Variants in FBN1 observed in about 807,000 individuals in gnomAD.
The protein encoded by FBN1 is fibrillin-1.
FBN1 carries 29 observed loss-of-function variants against 365.1 expected under a neutral mutation model. That is an observed-to-expected ratio of 0.08 (90% CI 0.06 to 0.11). The LOEUF is 0.11. FBN1 is among the 10% of genes least tolerant of loss of function. FBN1 has a pLI of 1.00. For synonymous variants in FBN1, 1,210 were observed against 1,270.5 expected (o/e 0.95, Z 1.01); for missense variants, 2,476 against 3,703.2 (o/e 0.67, Z 8.60).
intron 42 of FBN1, among the ~76,000 whole-genome samples, chr15:48,461,852 A>G (rs1329775679): frequency 6.6e-6 from 1 of 152,220 alleles, no homozygotes; most frequent in East Asian, 1.9e-4. Context: ...TCTGAAGTTC[A>G]TGTAACTTTC....
At chr15:48,476,394 A>G (rs1438011000) in intron 32 of FBN1, among the ~76,000 whole-genome samples, 1 of 152,178 alleles carries the variant, frequency 6.6e-6, no homozygotes, top group Non-Finnish European at 1.5e-5. Context: ...CAAAGCCTCC[A>G]GATGTTATAG....
chr15:48,597,233 C>A lies in FBN1; in HGVS notation c.443-855G>T, dbSNP rs575005850. On this transcript the variant is annotated intron_variant, in intron 5 of 65. Coordinates refer to ENST00000316623, the MANE Select transcript of FBN1 (RefSeq NM_000138.5). ...ACCCTATAGCAGCCATGAAGTTGAG[C>A]CACTCATACTTTCCCTCAAGAGAAT... is the stretch of plus-strand genomic sequence containing the variant. Among the ~76,000 whole-genome samples the A allele has an allele frequency of 3.3e-5, 5 of 152,274 alleles. No homozygotes were observed. The East Asian group carries it at 9.7e-4, about 29-fold the overall frequency.
chr15:48,587,317 A>T (rs962564893), intron 6 of FBN1, among the ~76,000 whole-genome samples: 1 of 152,226 alleles, frequency 6.6e-6, no homozygotes, highest in African/African-American at 2.4e-5. Flanking sequence ...AAGTGAAAAC[A>T]GTTTCAGAAA....
intron 6 of FBN1, among the ~76,000 whole-genome samples, chr15:48,592,167 G>A (rs1195144035): frequency 6.6e-6 from 1 of 152,018 alleles, no homozygotes; most frequent in Admixed American, 6.6e-5. Context: ...GTTATTTCTT[G>A]AACTCCTTTT....
intron 2 of FBN1, among the ~76,000 whole-genome samples, chr15:48,635,807 C>A (rs1373005086): frequency 6.6e-6 from 1 of 152,170 alleles, no homozygotes; most frequent in Non-Finnish European, 1.5e-5. Flanking sequence ...GTTGTGAGTT[C>A]TTTAAATGCA....
At chr15:48,573,092 C>T (rs1218607489) in intron 6 of FBN1, among the ~76,000 whole-genome samples, 1 of 151,994 alleles carries the variant, frequency 6.6e-6, no homozygotes, top group Non-Finnish European at 1.5e-5. Context: ...TTTGTCTGGT[C>T]CACTAAGGAG....
At chr15:48,617,796 G>C (rs1475330713) in intron 2 of FBN1, among the ~76,000 whole-genome samples, 1 of 152,164 alleles carries the variant, frequency 6.6e-6, no homozygotes, top group Non-Finnish European at 1.5e-5. Context: ...GCAAGACTTG[G>C]CCTCTGTGCA....
intron 4 of FBN1, among the ~76,000 whole-genome samples, chr15:48,603,158 A>T (rs1020239523): frequency 6.6e-6 from 1 of 152,208 alleles, no homozygotes; most frequent in South Asian, 2.1e-4. Context: ...AATCTCCCTG[A>T]TATATATTTT....
chr15:48,509,273 T>A (rs1012397825), intron 14 of FBN1, among the ~76,000 whole-genome samples: 3 of 151,888 alleles, frequency 2.0e-5, no homozygotes, highest in Non-Finnish European at 2.9e-5. Flanking sequence ...ACCTTTAAGA[T>A]CCCTTAAACA....
At position 48,644,938 on chromosome 15, in the gene FBN1, C is replaced by A. The variant is rs969552161; in HGVS notation, c.-169G>T. The A allele has an allele frequency of 2.1e-5, 11 of 519,908 alleles. No individual in the cohort carries two copies. The Middle Eastern group carries it at 2.3e-3, about 107-fold the overall frequency. 32.2% of individuals were successfully genotyped at this position (519,908 alleles called of 1,614,324 possible). A position where few individuals can be genotyped will look rare whatever the true frequency, so the allele number is the denominator to read the frequency against. ...CTCCAGGCGCTGCTCCCACTTCAGG[C>A]GGCCCCTGCCAGCTGCAACACAGAG... is the stretch of plus-strand genomic sequence containing the variant. On this transcript the variant is annotated 5_prime_UTR_variant, in exon 2 of 66. Coordinates refer to ENST00000316623, the MANE Select transcript of FBN1 (RefSeq NM_000138.5).
chr15:48,534,096 C>T lies in FBN1; in HGVS notation c.846G>A (p.Val282=), dbSNP rs2043994063. The part of the protein sequence containing the change: ...KCPAGHKLNE[V]SQKCEDIDEC... Reference sequence around the variant, plus strand: ...ATTTCTTACCTTCACATTTTTGTGACACTTCATTAAGTTTGTGTCCAGCAG... The same window carrying T: ...ATTTCTTACCTTCACATTTTTGTGATACTTCATTAAGTTTGTGTCCAGCAG... Residue 282 remains valine (V), a synonymous_variant, in exon 8 of 66, where the codon GTG becomes GTA. Transcript: ENST00000316623. The T allele has an allele frequency of 1.9e-6, 3 of 1,613,332 alleles. No individual in the cohort carries two copies. Among genetic ancestry groups the T allele is most frequent in the Non-Finnish European group, 2.5e-6 (3 of 1,179,642 alleles).
At chr15:48,428,517 C>T in intron 56 of FBN1, 46 bp from the exon 57 acceptor site, 1 of 1,611,124 alleles carries the variant, frequency 6.2e-7, no homozygotes, top group Non-Finnish European at 8.5e-7. Context: ...AGTCATCTGA[C>T]CATTTTATAG....
intron 32 of FBN1, among the ~76,000 whole-genome samples, chr15:48,477,530 G>A (rs1160593177): frequency 6.6e-6 from 1 of 152,174 alleles, no homozygotes. Flanking sequence ...GGGTGTGTGT[G>A]CATGCATGCA....
Position 48,412,588 on chromosome 15 carries a change from G to C in FBN1, c.8207C>G (p.Thr2736Ser), listed in dbSNP as rs2141211539. Reference sequence around the variant, plus strand: ...ACCCACCTCGATATTGGAGGCATCAGTTTCGTTTGTGCTTCTCCGTTTCCT... The same window carrying C: ...ACCCACCTCGATATTGGAGGCATCACTTTCGTTTGTGCTTCTCCGTTTCCT... ...RGRKRRSTNE[T>S]DASNIEDQSE... The change falls in exon 65 of 66, where the codon ACT becomes AGT. Residue 2736 changes from threonine to serine, a missense_variant. Physicochemically the swap from Thr to Ser is moderately conservative, Grantham distance 58. Coordinates refer to ENST00000316623, the MANE Select transcript of FBN1 (RefSeq NM_000138.5). The C allele has an allele frequency of 2.7e-5, 43 of 1,614,126 alleles. No individual in the cohort carries two copies. Among genetic ancestry groups the C allele is most frequent in the Non-Finnish European group, 3.6e-5 (43 of 1,179,972 alleles).
intron 64 of FBN1, 77 bp downstream of exon 64, chr15:48,415,459 T>C: frequency 9.0e-7 from 1 of 1,115,196 alleles, no homozygotes. Context: ...CTAGGACAGG[T>C]AATTTTGAGT....
intron 46 of FBN1, 58 bp from the exon 47 acceptor site, chr15:48,446,880 G>T: frequency 8.5e-7 from 1 of 1,173,164 alleles, no homozygotes; most frequent in Non-Finnish European, 1.3e-6. Context: ...GTGGTTACAC[G>T]GTTACAGTGG....
At chr15:48,520,967 T>TC in intron 9 of FBN1, 150 bp from the exon 10 acceptor site, 1 of 1,057,310 alleles carries the variant, frequency 9.5e-7, no homozygotes, top group Non-Finnish European at 1.4e-6. Context: ...CTGCGAGCGC[T>TC]GCACAGGAAC....
At chr15:48,512,522 T>C (rs571908480) in intron 13 of FBN1, among the ~76,000 whole-genome samples, 6 of 152,310 alleles carry the variant, frequency 3.9e-5, no homozygotes, top group Admixed American at 2.0e-4. Context: ...TGGTCCCTTC[T>C]ATGTGTCCAT....
chr15:48,550,824 A>C (rs1449089786), intron 6 of FBN1, among the ~76,000 whole-genome samples: 1 of 151,750 alleles, frequency 6.6e-6, no homozygotes, highest in Non-Finnish European at 1.5e-5. Context: ...CACTAACCAA[A>C]CTCCATGGTA....
Sources: gnomAD v4.1 joint callset for allele counts (sites outside exome capture counted in the v4.1 genomes callset) on GRCh38, gnomAD v4.1.1 for gene constraint, MANE v1.5 for transcripts, NCBI Gene and HGNC (gene_info 2026-07-23, HGNC 2026-07-21) for gene names.